The following TRPM3 variants were observed in gnomAD, a reference collection of about 807,000 sequenced individuals.
The protein encoded by TRPM3 is long transient receptor potential channel 3.
In TRPM3, 77 loss-of-function variants were observed where a neutral mutation model predicts 181.2. The ratio of observed to expected loss-of-function variants is 0.42; its 90% CI spans 0.35 to 0.51. The LOEUF (loss-of-function observed/expected upper bound fraction) is 0.51, where lower values mean the gene tolerates loss of function less well. TRPM3 is among the 20% of genes least tolerant of loss of function. The pLI is 0.01. For missense variants in TRPM3, 1,759 were observed against 2,196.7 expected (o/e 0.80, Z 3.98); for synonymous variants, 745 against 796.4 (o/e 0.94, Z 1.09).
intron 1 of TRPM3, among the ~76,000 whole-genome samples, chr9:71,346,958 T>G (rs2091334373): frequency 6.6e-6 from 1 of 152,192 alleles, no homozygotes. Context: ...AAACTATGAG[T>G]GAACTCTGAT....
At chr9:71,147,194 G>A (rs2075457481) in intron 1 of TRPM3, among the ~76,000 whole-genome samples, 1 of 152,114 alleles carries the variant, frequency 6.6e-6, no homozygotes, top group Admixed American at 6.6e-5. Context: ...TGAAAAAATA[G>A]AGTATTTTCA....
intron 1 of TRPM3, among the ~76,000 whole-genome samples, chr9:71,038,843 T>C (rs2058504424): frequency 6.6e-6 from 1 of 151,992 alleles, no homozygotes; most frequent in Non-Finnish European, 1.5e-5. Flanking sequence ...GGGGATCACA[T>C]TCCAAGCAGA....
chr9:70,946,503 A>G (rs1315106602), intron 1 of TRPM3, among the ~76,000 whole-genome samples: 1 of 152,098 alleles, frequency 6.6e-6, no homozygotes, highest in Non-Finnish European at 1.5e-5. Context: ...TAAATGCATT[A>G]ATATTTATAA....
chr9:71,029,667 G>A (rs2057037494), intron 1 of TRPM3, among the ~76,000 whole-genome samples: 1 of 152,120 alleles, frequency 6.6e-6, no homozygotes, highest in Non-Finnish European at 1.5e-5. Context: ...CTTGAGAGTA[G>A]TCCTTCAGGC....
intron 1 of TRPM3, among the ~76,000 whole-genome samples, chr9:70,947,378 C>T (rs1441364766): frequency 6.6e-6 from 1 of 152,130 alleles, no homozygotes; most frequent in African/African-American, 2.4e-5. Flanking sequence ...GCTCTATCTC[C>T]ACTTTTTGTT....
At chr9:70,901,133 G>T (rs1176494161) in intron 1 of TRPM3, among the ~76,000 whole-genome samples, 3 of 152,122 alleles carry the variant, frequency 2.0e-5, no homozygotes, top group Non-Finnish European at 4.4e-5. Context: ...AGAAACAATG[G>T]GTGGGGACCT....
At chr9:70,924,642 C>T (rs1426675198) in intron 1 of TRPM3, among the ~76,000 whole-genome samples, 2 of 152,176 alleles carry the variant, frequency 1.3e-5, no homozygotes, top group African/African-American at 4.8e-5. Flanking sequence ...GATTAACAGT[C>T]TCTCTGGCAG....
intron 1 of TRPM3, among the ~76,000 whole-genome samples, chr9:71,071,833 C>T (rs1486526626): frequency 6.6e-6 from 1 of 152,170 alleles, no homozygotes; most frequent in East Asian, 1.9e-4. Flanking sequence ...CATGAGGATG[C>T]AGGTGGAGCC....
intron 1 of TRPM3, among the ~76,000 whole-genome samples, chr9:71,349,968 CATAT>C (rs758622802): frequency 5.9e-5 from 4 of 67,916 alleles, no homozygotes; most frequent in Admixed American, 2.0e-4. Context: ...ATTGTAAGTG[CATAT>C]ATATATATAT....
intron 1 of TRPM3, among the ~76,000 whole-genome samples, chr9:71,090,604 C>G (rs2066039814): frequency 6.6e-6 from 1 of 152,134 alleles, no homozygotes; most frequent in South Asian, 2.1e-4. Context: ...AGCAGTGGGA[C>G]AACAGCTTTT....
chr9:70,639,339 TCA>T, intron 10 of TRPM3, 145 bp from the exon 11 acceptor site: 1 of 838,656 alleles, frequency 1.2e-6, no homozygotes, highest in Admixed American at 2.9e-5. Flanking sequence ...GCAAGACTGT[TCA>T]CAGATTCACT....
chr9:71,289,132 G>C (rs1305647677), intron 1 of TRPM3, among the ~76,000 whole-genome samples: 1 of 151,090 alleles, frequency 6.6e-6, no homozygotes, highest in Non-Finnish European at 1.5e-5. Flanking sequence ...ACTTAAAAAG[G>C]CATCACAAAA....
intron 1 of TRPM3, among the ~76,000 whole-genome samples, chr9:71,099,522 T>C (rs1002583729): frequency 5.9e-5 from 9 of 152,120 alleles, no homozygotes; most frequent in African/African-American, 2.2e-4. Context: ...GTAGGTACAA[T>C]GTTATATGCC....
At chr9:70,547,727 GGA>G (rs2045391543) in intron 25 of TRPM3, among the ~76,000 whole-genome samples, 1 of 152,054 alleles carries the variant, frequency 6.6e-6, no homozygotes, top group African/African-American at 2.4e-5. Flanking sequence ...TAGGACACAG[GGA>G]AGGTGGGTCT....
chr9:70,609,180 G>T (rs1350913966), intron 19 of TRPM3, among the ~76,000 whole-genome samples: 3 of 152,194 alleles, frequency 2.0e-5, no homozygotes, highest in Non-Finnish European at 4.4e-5. Flanking sequence ...GGGAAATTAA[G>T]TTGTTTGAGG....
intron 1 of TRPM3, among the ~76,000 whole-genome samples, chr9:71,168,640 TA>T (rs1265362973): frequency 5.3e-4 from 77 of 145,976 alleles, no homozygotes; most frequent in African/African-American, 1.8e-3. Flanking sequence ...TATTATTTTT[TA>T]TTTTTTTTTT....
intron 1 of TRPM3, among the ~76,000 whole-genome samples, chr9:71,087,865 A>G (rs1201753356): frequency 6.6e-6 from 1 of 152,148 alleles, no homozygotes; most frequent in Non-Finnish European, 1.5e-5. Flanking sequence ...ATCTGCATGA[A>G]TACAAAGCAA....
intron 1 of TRPM3, among the ~76,000 whole-genome samples, chr9:71,354,963 T>C (rs1249538054): frequency 6.6e-6 from 1 of 152,204 alleles, no homozygotes; most frequent in Non-Finnish European, 1.5e-5. Flanking sequence ...AACACGTAAA[T>C]TATTTGTTTT....
chr9:71,090,130 A>G (rs2065951853), intron 1 of TRPM3, among the ~76,000 whole-genome samples: 1 of 152,130 alleles, frequency 6.6e-6, no homozygotes, highest in African/African-American at 2.4e-5. Context: ...GTGGCACAGT[A>G]GAGTCTTAGC....
Sources: allele counts gnomAD v4.1 joint callset (sites outside exome capture counted in the v4.1 genomes callset), GRCh38; gene constraint gnomAD v4.1.1; transcripts MANE v1.5; gene names NCBI Gene and HGNC (gene_info 2026-07-23, HGNC 2026-07-21).